The following TMEM178B variants were observed in gnomAD, a reference collection of about 807,000 sequenced individuals.
TMEM178B encodes transmembrane protein 178B.
Under a neutral mutation model 31.0 loss-of-function variants are expected in TMEM178B, and 5 were observed. That is an observed-to-expected ratio of 0.16 (90% confidence interval 0.08 to 0.34). The LOEUF (loss-of-function observed/expected upper bound fraction) is 0.34. Ranked by LOEUF, TMEM178B falls within the 10% of genes least tolerant of loss-of-function variation. The pLI, the probability that TMEM178B is intolerant of heterozygous loss-of-function variation, is 1.00. For synonymous variants in TMEM178B, 164 were observed against 164.0 expected (o/e 1.00, Z 0.00); for missense variants, 275 against 400.3 (o/e 0.69, Z 2.67).
rs376664837 is a variant in TMEM178B, at chr7:141,445,390, G to T, written c.634+7645G>T. 9.8e-5 allele frequency among the ~76,000 whole-genome samples: 15 copies of T among 152,308 alleles called. No individual in the cohort carries two copies. The East Asian group carries it at 1.9e-3, about 20-fold the overall frequency. On this transcript the variant is annotated intron_variant, in intron 3 of 3. Transcript: ENST00000565468. Reference sequence around the variant, plus strand: ...GACTGTTTCTTTTAGACAGTAAAATGATTTAAGGGATCTTATAGAACAACA... The same window carrying T: ...GACTGTTTCTTTTAGACAGTAAAATTATTTAAGGGATCTTATAGAACAACA...
In TMEM178B at chr7:141,480,102, G is replaced by A. The variant is rs1802446450; in HGVS notation, c.*9316G>A. Reference sequence around the variant, plus strand: ...TGTTCTGAGAGGTAAATTTAACAGGGAAGTGGGAGGGGGGATGAAAAGGGA... The same window carrying A: ...TGTTCTGAGAGGTAAATTTAACAGGAAAGTGGGAGGGGGGATGAAAAGGGA... On this transcript the variant is annotated 3_prime_UTR_variant, in exon 4 of 4. Transcript: ENST00000565468. 1 of 152,028 alleles carries A rather than the reference G, an allele frequency of 6.6e-6. No homozygotes were observed. Among genetic ancestry groups the A allele is most frequent in the Admixed American group, 6.6e-5 (1 of 15,266 alleles). 9.4% of individuals were successfully genotyped at this position (152,028 alleles called of 1,614,324 possible).
At chr7:141,113,469 G>A (rs1315146021) in intron 1 of TMEM178B, among the ~76,000 whole-genome samples, 1 of 152,152 alleles carries the variant, frequency 6.6e-6, no homozygotes, top group African/African-American at 2.4e-5. Context: ...CAGCCAGATG[G>A]GACTACTGGG....
intron 2 of TMEM178B, among the ~76,000 whole-genome samples, chr7:141,421,487 G>A (rs1225347524): frequency 6.6e-6 from 1 of 152,154 alleles, no homozygotes; most frequent in African/African-American, 2.4e-5. Context: ...TCTGATCAAT[G>A]ACTCTAGGAG....
chr7:141,404,105 A>C (rs1293061474), intron 2 of TMEM178B, among the ~76,000 whole-genome samples: 3 of 152,158 alleles, frequency 2.0e-5, no homozygotes, highest in Non-Finnish European at 4.4e-5. Context: ...GGAGCTCGAG[A>C]CCATCCTGGC....
chr7:141,453,546 C>T (rs12666428), intron 3 of TMEM178B, among the ~76,000 whole-genome samples: 52 of 152,298 alleles, frequency 3.4e-4, no homozygotes, highest in African/African-American at 1.1e-3. Flanking sequence ...TAAAGCCTGC[C>T]CAGGCAAGTG....
At chr7:141,458,255 G>T (rs1802002023) in intron 3 of TMEM178B, among the ~76,000 whole-genome samples, 1 of 152,154 alleles carries the variant, frequency 6.6e-6, no homozygotes, top group Non-Finnish European at 1.5e-5. Context: ...GAGTAGCTGG[G>T]ATTACAGGTG....
chr7:141,251,752 G>A (rs542226264), intron 2 of TMEM178B, among the ~76,000 whole-genome samples: 112 of 152,174 alleles, frequency 7.4e-4, no homozygotes, highest in African/African-American at 2.5e-3. Context: ...TCTGTCCAAG[G>A]TCAACAGACT....
chr7:141,401,382 C>T (rs1800762456), intron 2 of TMEM178B, among the ~76,000 whole-genome samples: 1 of 152,072 alleles, frequency 6.6e-6, no homozygotes, highest in Non-Finnish European at 1.5e-5. Context: ...GGGCAATAAA[C>T]ATTAAGCACA....
chr7:141,375,974 G>C (rs933460500), intron 2 of TMEM178B, among the ~76,000 whole-genome samples: 2 of 152,232 alleles, frequency 1.3e-5, no homozygotes, highest in Non-Finnish European at 2.9e-5. Flanking sequence ...TGGGGACTAA[G>C]GCAAGATGAC....
At chr7:141,304,825 A>G (rs1356832957) in intron 2 of TMEM178B, among the ~76,000 whole-genome samples, 2 of 151,958 alleles carry the variant, frequency 1.3e-5, no homozygotes, top group East Asian at 1.9e-4. Context: ...TCCATATCTA[A>G]CTTGTTGCAA....
intron 1 of TMEM178B, among the ~76,000 whole-genome samples, chr7:141,130,944 T>C (rs1795584228): frequency 6.6e-6 from 1 of 152,194 alleles, no homozygotes; most frequent in South Asian, 2.1e-4. Flanking sequence ...ATTAACTTTT[T>C]TGTTTATTTT....
intron 2 of TMEM178B, among the ~76,000 whole-genome samples, chr7:141,280,734 C>CT (rs938754846): frequency 1.3e-5 from 2 of 152,118 alleles, no homozygotes; most frequent in East Asian, 3.9e-4. Context: ...TTAAATGACA[C>CT]TTTTTTCCTC....
intron 1 of TMEM178B, among the ~76,000 whole-genome samples, chr7:141,095,965 G>T (rs1397048246): frequency 6.6e-6 from 1 of 152,172 alleles, no homozygotes; most frequent in East Asian, 1.9e-4. Flanking sequence ...GGCCAGGTGG[G>T]TGAAGAGAAG....
chr7:141,460,750 ACTCC>A (rs1231206096), intron 3 of TMEM178B, among the ~76,000 whole-genome samples: 1 of 151,700 alleles, frequency 6.6e-6, no homozygotes, highest in Non-Finnish European at 1.5e-5. Context: ...CAGAGGCTTG[ACTCC>A]CGAGTTCCAC....
intron 2 of TMEM178B, among the ~76,000 whole-genome samples, chr7:141,377,293 T>C (rs1430095195): frequency 1.3e-5 from 2 of 151,742 alleles, no homozygotes; most frequent in African/African-American, 4.8e-5. Context: ...AAGTGATTCT[T>C]CTGTCTCAGC....
At chr7:141,294,754 A>G (rs1410305192) in intron 2 of TMEM178B, among the ~76,000 whole-genome samples, 1 of 152,136 alleles carries the variant, frequency 6.6e-6, no homozygotes, top group Non-Finnish European at 1.5e-5. Context: ...AGAAGAGAAT[A>G]GAGAGAAAGT....
chr7:141,189,795 G>A (rs1451980590), intron 1 of TMEM178B, among the ~76,000 whole-genome samples: 2 of 152,110 alleles, frequency 1.3e-5, no homozygotes, highest in Admixed American at 6.5e-5. Flanking sequence ...CCAAAGTTGT[G>A]GGGAGAGGAG....
chr7:141,433,056 C>T (rs1436875981), intron 2 of TMEM178B, among the ~76,000 whole-genome samples: 7 of 152,198 alleles, frequency 4.6e-5, no homozygotes, highest in Admixed American at 1.3e-4. Context: ...GCACACAGTC[C>T]GTAACTCCAT....
chr7:141,430,783 C>G (rs1192938728), intron 2 of TMEM178B, among the ~76,000 whole-genome samples: 1 of 152,160 alleles, frequency 6.6e-6, no homozygotes. Context: ...TCTTACTTCC[C>G]AGACCGACTG....
Sources: allele counts gnomAD v4.1 joint callset (sites outside exome capture counted in the v4.1 genomes callset), GRCh38; gene constraint gnomAD v4.1.1; transcripts MANE v1.5; gene names NCBI Gene and HGNC (gene_info 2026-07-23, HGNC 2026-07-21).